The following IL1RAPL2 variants were observed in gnomAD, a reference collection of about 807,000 sequenced individuals.
IL1RAPL2 encodes the protein X-linked interleukin-1 receptor accessory protein-like 2.
In IL1RAPL2, 3 loss-of-function variants were observed where a neutral mutation model predicts 44.1. That is an observed-to-expected ratio of 0.07 (90% CI 0.03 to 0.18). IL1RAPL2 has a LOEUF of 0.18. Among genes scored for constraint, IL1RAPL2 ranks in the 10% least tolerant of loss-of-function variants. IL1RAPL2 has a pLI of 1.00. For synonymous variants in IL1RAPL2, 181 were observed against 178.8 expected (o/e 1.01, Z -0.10); for missense variants, 391 against 496.4 (o/e 0.79, Z 2.02).
chrX:105,078,754 G>A (rs1422342216), intron 2 of IL1RAPL2, among the ~76,000 whole-genome samples: 6 of 112,088 alleles, frequency 5.4e-5, no homozygotes, highest in Non-Finnish European at 9.4e-5. Flanking sequence ...CCCCAGCCTC[G>A]CTGCCACCTT....
intron 3 of IL1RAPL2, chrX:105,220,602 G>A (rs1014496150): frequency 2.8e-6 from 1 of 362,996 alleles, no homozygotes; most frequent in South Asian, 9.1e-5. Flanking sequence ...CACCTCTTCA[G>A]CCAGGGCCAG....
intron 2 of IL1RAPL2, among the ~76,000 whole-genome samples, chrX:104,736,067 G>T (rs1278659799): frequency 9.0e-6 from 1 of 110,689 alleles, no homozygotes; most frequent in Non-Finnish European, 1.9e-5. Context: ...CTCACATGTT[G>T]TTTTCCTTAA....
chrX:104,783,484 G>A (rs1181572205), intron 2 of IL1RAPL2, among the ~76,000 whole-genome samples: 1 of 110,710 alleles, frequency 9.0e-6, no homozygotes, highest in African/African-American at 3.3e-5. Context: ...CCCACCACAA[G>A]ACCAATTTTA....
chrX:105,463,043 G>A (rs1602423531), intron 5 of IL1RAPL2, among the ~76,000 whole-genome samples: 2 of 111,704 alleles, frequency 1.8e-5, no homozygotes, highest in East Asian at 5.7e-4. Context: ...GATTAATTCT[G>A]TGAAGTTTGA....
At position 105,052,425 on chromosome X, in the gene IL1RAPL2, G is replaced by A. The variant is rs183401926; in HGVS notation, c.83-143050G>A. 1.9e-3 allele frequency among the ~76,000 whole-genome samples: 215 copies of A among 111,737 alleles called. 1 individual carries two copies. Among genetic ancestry groups the A allele is most frequent in the African/African-American group, 6.7e-3 (207 of 30,732 alleles). On this transcript the variant is annotated intron_variant, in intron 2 of 10. Coordinates refer to ENST00000372582, the MANE Select transcript of IL1RAPL2 (RefSeq NM_017416.2). ...TGTTCAGCTAAAAATTTAGAATTCT[G>A]TTATAATGGAACACAAGGGATATTG...
At chrX:104,946,112 A>C (rs1458565612) in intron 2 of IL1RAPL2, among the ~76,000 whole-genome samples, 2 of 108,321 alleles carry the variant, frequency 1.8e-5, no homozygotes, top group African/African-American at 6.7e-5. Context: ...TAATGTAAAA[A>C]CTTTTTTCCC....
intron 5 of IL1RAPL2, among the ~76,000 whole-genome samples, chrX:105,440,245 A>G (rs988886143): frequency 2.7e-5 from 3 of 112,138 alleles, no homozygotes; most frequent in Admixed American, 9.5e-5. Flanking sequence ...TGCTGCTTCA[A>G]TTGTATATTT....
chrX:104,731,228 T>A (rs1255691830), intron 2 of IL1RAPL2, among the ~76,000 whole-genome samples: 2 of 109,621 alleles, frequency 1.8e-5, no homozygotes, highest in African/African-American at 6.7e-5. Context: ...TTTAATTAGA[T>A]CCCATTTGTC....
chrX:105,015,201 C>A (rs1007446575), intron 2 of IL1RAPL2, among the ~76,000 whole-genome samples: 1 of 109,329 alleles, frequency 9.1e-6, no homozygotes, highest in Non-Finnish European at 1.9e-5. Flanking sequence ...TTTGTGGGTT[C>A]TAGATATTAG....
At chrX:105,689,466 A>G (rs2038016260) in intron 6 of IL1RAPL2, among the ~76,000 whole-genome samples, 1 of 112,440 alleles carries the variant, frequency 8.9e-6, no homozygotes, top group Non-Finnish European at 1.9e-5. Context: ...CGCATGAAAA[A>G]CTGCTCATCA....
chrX:105,567,112 T>A (rs747470417), intron 6 of IL1RAPL2, among the ~76,000 whole-genome samples: 5 of 111,667 alleles, frequency 4.5e-5, no homozygotes, highest in African/African-American at 9.7e-5. Context: ...ATTTTTTATG[T>A]CTTTAAGGCC....
chrX:105,434,946 C>T (rs766022140), intron 5 of IL1RAPL2, among the ~76,000 whole-genome samples: 2 of 111,763 alleles, frequency 1.8e-5, no homozygotes, highest in Admixed American at 1.9e-4. Context: ...CCAATTTTCC[C>T]AGCACCATTT....
chrX:105,576,300 T>A (rs2037050050), intron 6 of IL1RAPL2, among the ~76,000 whole-genome samples: 1 of 111,576 alleles, frequency 9.0e-6, no homozygotes, highest in Non-Finnish European at 1.9e-5. Context: ...GTTTTACATT[T>A]AAGTCTTTGA....
At chrX:104,930,321 A>G (rs773881640) in intron 2 of IL1RAPL2, among the ~76,000 whole-genome samples, 1 of 112,339 alleles carries the variant, frequency 8.9e-6, no homozygotes, top group African/African-American at 3.2e-5. Flanking sequence ...TTACCTGAAG[A>G]TGTGCAGGGA....
chrX:105,068,803 T>G (rs777767395), intron 2 of IL1RAPL2, among the ~76,000 whole-genome samples: 1 of 112,299 alleles, frequency 8.9e-6, no homozygotes, highest in Non-Finnish European at 1.9e-5. Flanking sequence ...GAATTTGGGA[T>G]GCTGCAAAAC....
intron 2 of IL1RAPL2, among the ~76,000 whole-genome samples, chrX:104,863,919 T>C (rs1922552712): frequency 8.9e-6 from 1 of 112,239 alleles, no homozygotes; most frequent in Admixed American, 9.5e-5. Flanking sequence ...GAAATGATTA[T>C]TGTCTTCAGC....
At chrX:105,530,909 C>T (rs1038081888) in intron 6 of IL1RAPL2, among the ~76,000 whole-genome samples, 1 of 111,583 alleles carries the variant, frequency 9.0e-6, no homozygotes, top group Non-Finnish European at 1.9e-5. Flanking sequence ...TTACAAATGA[C>T]AGGATCTCAT....
chrX:105,018,014 G>C (rs1361825664), intron 2 of IL1RAPL2, among the ~76,000 whole-genome samples: 1 of 111,482 alleles, frequency 9.0e-6, no homozygotes, highest in Non-Finnish European at 1.9e-5. Flanking sequence ...ACCAAAAGTG[G>C]TTCCCCCCAC....
intron 1 of IL1RAPL2, among the ~76,000 whole-genome samples, chrX:104,594,935 A>C (rs1223669651): frequency 3.6e-5 from 4 of 112,184 alleles, no homozygotes; most frequent in Non-Finnish European, 7.5e-5. Flanking sequence ...AGATGATTAA[A>C]TTAGAGAAGT....
Sources: allele counts gnomAD v4.1 joint callset (sites outside exome capture counted in the v4.1 genomes callset), GRCh38; gene constraint gnomAD v4.1.1; transcripts MANE v1.5; gene names NCBI Gene and HGNC (gene_info 2026-07-23, HGNC 2026-07-21).